Variants in LAPTM4A observed in about 807,000 individuals in gnomAD.
The protein encoded by LAPTM4A is lysosomal protein transmembrane 4 alpha, also known as lysosomal-associated transmembrane protein 4A.
In LAPTM4A, 19 loss-of-function variants were observed where a neutral mutation model predicts 29.9. The observed-to-expected ratio is 0.64, with a 90% confidence interval of 0.44 to 0.93. LAPTM4A has a LOEUF of 0.93. LAPTM4A is among the 40% of genes least tolerant of loss of function. The pLI, the probability that LAPTM4A is intolerant of heterozygous loss-of-function variation, is 0.00. For synonymous variants in LAPTM4A, 105 were observed against 102.1 expected (o/e 1.03, Z -0.17); for missense variants, 293 against 288.5 (o/e 1.02, Z -0.11).
intron 1 of LAPTM4A, among the ~76,000 whole-genome samples, chr2:20,042,674 T>C (rs1673826159): frequency 6.6e-6 from 1 of 152,226 alleles, no homozygotes; most frequent in South Asian, 2.1e-4. Context: ...TGAATTTTCC[T>C]AGTCTCCCAG....
chr2:20,035,991 T>C (rs1673668483), intron 4 of LAPTM4A, among the ~76,000 whole-genome samples: 1 of 152,054 alleles, frequency 6.6e-6, no homozygotes, highest in Admixed American at 6.5e-5. Context: ...CCCAGCCAGG[T>C]TGTCTCCTTG....
At chr2:20,043,630 T>C (rs558650040) in intron 1 of LAPTM4A, among the ~76,000 whole-genome samples, 1 of 152,332 alleles carries the variant, frequency 6.6e-6, no homozygotes, top group African/African-American at 2.4e-5. Context: ...TTCACTAACA[T>C]CCGCTAGATA....
chr2:20,039,255 A>G (rs1673743649), intron 2 of LAPTM4A, among the ~76,000 whole-genome samples: 1 of 152,190 alleles, frequency 6.6e-6, no homozygotes, highest in Non-Finnish European at 1.5e-5. Flanking sequence ...AAACCTCATC[A>G]ATATTTGGCA....
intron 6 of LAPTM4A, 76 bp downstream of exon 6, chr2:20,034,241 A>G (rs1489239728): frequency 2.0e-6 from 2 of 990,120 alleles, no homozygotes; most frequent in Admixed American, 3.4e-5. Flanking sequence ...TGAAAGAGAA[A>G]GTCAAGCTCC....
At chr2:20,038,920 C>A (rs973034471) in intron 2 of LAPTM4A, among the ~76,000 whole-genome samples, 4 of 151,630 alleles carry the variant, frequency 2.6e-5, no homozygotes, top group African/African-American at 9.7e-5. Context: ...AATGTATATA[C>A]AACTTTTTTT....
intron 1 of LAPTM4A, among the ~76,000 whole-genome samples, chr2:20,041,546 G>A (rs1048298509): frequency 7.2e-5 from 11 of 152,044 alleles, no homozygotes; most frequent in South Asian, 4.1e-4. Context: ...GTATGTGTGC[G>A]TGTGTGTGAT....
intron 1 of LAPTM4A, 58 bp downstream of exon 1, chr2:20,051,352 G>A (rs1294709896): frequency 4.9e-6 from 2 of 411,858 alleles, no homozygotes; most frequent in South Asian, 2.1e-5. Context: ...CACCCCCTCC[G>A]CACCAGGCCC....
chr2:20,042,746 G>T (rs1253727204), intron 1 of LAPTM4A, among the ~76,000 whole-genome samples: 1 of 152,180 alleles, frequency 6.6e-6, no homozygotes, highest in African/African-American at 2.4e-5. Flanking sequence ...AATCCCTGTG[G>T]TATCCCAGGA....
chr2:20,034,075 C>T (rs752180277), intron 6 of LAPTM4A, among the ~76,000 whole-genome samples: 1 of 152,198 alleles, frequency 6.6e-6, no homozygotes, highest in African/African-American at 2.4e-5. Flanking sequence ...AAACATGACA[C>T]TAATGAGGAC....
At chr2:20,048,472 C>G (rs1280444428) in intron 1 of LAPTM4A, among the ~76,000 whole-genome samples, 1 of 152,166 alleles carries the variant, frequency 6.6e-6, no homozygotes, top group African/African-American at 2.4e-5. Flanking sequence ...TGTCCCACAG[C>G]ACTATTTTGT....
At chr2:20,048,177 C>T (rs1242634438) in intron 1 of LAPTM4A, among the ~76,000 whole-genome samples, 1 of 152,208 alleles carries the variant, frequency 6.6e-6, no homozygotes, top group African/African-American at 2.4e-5. Context: ...CACCATTAAT[C>T]ACAAAGTATA....
chr2:20,042,657 T>C (rs866633780), intron 1 of LAPTM4A, among the ~76,000 whole-genome samples: 11 of 152,236 alleles, frequency 7.2e-5, no homozygotes, highest in South Asian at 4.1e-4. Context: ...AATCCCATTA[T>C]AATATCTGAA....
chr2:20,047,337 G>A (rs551822464), intron 1 of LAPTM4A, among the ~76,000 whole-genome samples: 26 of 148,932 alleles, frequency 1.7e-4, no homozygotes, highest in African/African-American at 5.9e-4. Context: ...GCAGTGAGCC[G>A]AGATCGCACC....
chr2:20,039,960 C>T (rs1281209838), intron 2 of LAPTM4A, among the ~76,000 whole-genome samples: 6 of 152,096 alleles, frequency 3.9e-5, no homozygotes, highest in African/African-American at 1.2e-4. Context: ...GCAGGAGAAT[C>T]GCTTGAACCC....
rs1558383294 is a variant in LAPTM4A, at chr2:20,034,310, A to T, written c.627+7T>A. 6.3e-7 allele frequency: 1 copy of T among 1,595,032 alleles called. No individual in the cohort carries two copies. The highest frequency in any genetic ancestry group is 8.6e-7 in the Non-Finnish European group (1 of 1,162,566). On this transcript the variant is annotated splice_region_variant and intron_variant, in intron 6 of 6. Coordinates refer to ENST00000175091, the MANE Select transcript of LAPTM4A (RefSeq NM_014713.5). ...GTGACCTTTTACTCTATCCAACAGT[A>T]GCTAACCTGAGGAGGTGCTTCAAAG...
At chr2:20,050,489 G>T (rs1558388187) in intron 1 of LAPTM4A, among the ~76,000 whole-genome samples, 1 of 152,184 alleles carries the variant, frequency 6.6e-6, no homozygotes, top group Non-Finnish European at 1.5e-5. Context: ...AGTTTGTCAC[G>T]GCTTCGGCAA....
chr2:20,041,959 T>C (rs1460240342), intron 1 of LAPTM4A, among the ~76,000 whole-genome samples: 1 of 152,240 alleles, frequency 6.6e-6, no homozygotes, highest in Non-Finnish European at 1.5e-5. Context: ...TTCCTCTGAC[T>C]AGCATGTTTC....
chr2:20,044,878 G>A (rs925455885), intron 1 of LAPTM4A, among the ~76,000 whole-genome samples: 2 of 152,108 alleles, frequency 1.3e-5, no homozygotes, highest in African/African-American at 4.8e-5. Flanking sequence ...ACATCTTAAA[G>A]TATTACACTG....
At chr2:20,042,437 A>G (rs1028467338) in intron 1 of LAPTM4A, among the ~76,000 whole-genome samples, 1 of 152,232 alleles carries the variant, frequency 6.6e-6, no homozygotes, top group African/African-American at 2.4e-5. Context: ...ATTCTTGCCT[A>G]TGAAGATTTT....
Sources: gnomAD v4.1 joint callset for allele counts (sites outside exome capture counted in the v4.1 genomes callset) on GRCh38, gnomAD v4.1.1 for gene constraint, MANE v1.5 for transcripts, NCBI Gene and HGNC (gene_info 2026-07-23, HGNC 2026-07-21) for gene names.